Variants in ACO1 observed in about 807,000 individuals in gnomAD.
The protein encoded by ACO1 is aconitase 1.
A neutral mutation model predicts 105.1 loss-of-function variants in ACO1; 78 were observed. The ratio of observed to expected loss-of-function variants is 0.74; its 90% CI spans 0.62 to 0.90. ACO1 has a LOEUF of 0.90. Among genes scored for constraint, ACO1 ranks in the 40% least tolerant of loss-of-function variants. The pLI, the probability that ACO1 is intolerant of heterozygous loss-of-function variation, is 0.00. For missense variants in ACO1, 965 were observed against 1,111.1 expected (o/e 0.87, Z 1.87); for synonymous variants, 364 against 397.4 (o/e 0.92, Z 1.00).
At chr9:32,388,048 G>A (rs1045659171) in intron 1 of ACO1, among the ~76,000 whole-genome samples, 5 of 152,232 alleles carry the variant, frequency 3.3e-5, no homozygotes, top group African/African-American at 1.2e-4. Flanking sequence ...GGCCAAGTGT[G>A]TTGAAGTTTT....
chr9:32,394,415 C>G (rs1042192260), intron 1 of ACO1, among the ~76,000 whole-genome samples: 25 of 152,228 alleles, frequency 1.6e-4, no homozygotes, highest in African/African-American at 6.0e-4. Flanking sequence ...GGGACTTTAT[C>G]CCTTCATCCC....
chr9:32,417,529 T>C (rs557231854), intron 4 of ACO1, among the ~76,000 whole-genome samples: 1 of 152,362 alleles, frequency 6.6e-6, no homozygotes, highest in East Asian at 1.9e-4. Context: ...GTGCCCTGTG[T>C]TGTCCTGATG....
intron 1 of ACO1, among the ~76,000 whole-genome samples, chr9:32,389,408 A>G (rs1469641019): frequency 6.6e-6 from 1 of 152,214 alleles, no homozygotes; most frequent in Non-Finnish European, 1.5e-5. Flanking sequence ...TACACCTGGT[A>G]TGTTGAGGAC....
chr9:32,388,104 A>G (rs1346718868), intron 1 of ACO1, among the ~76,000 whole-genome samples: 1 of 152,188 alleles, frequency 6.6e-6, no homozygotes, highest in East Asian at 1.9e-4. Context: ...CCCTCCCTGG[A>G]GCCATCTCAG....
At chr9:32,448,839 C>T in intron 19 of ACO1, 57 bp from the exon 20 acceptor site, 1 of 1,594,404 alleles carries the variant, frequency 6.3e-7, no homozygotes, top group Non-Finnish European at 8.6e-7. Flanking sequence ...TTTTGTAAAC[C>T]TGTGTATCCA....
chr9:32,390,855 A>G (rs922582468), intron 1 of ACO1, among the ~76,000 whole-genome samples: 4 of 152,182 alleles, frequency 2.6e-5, no homozygotes, highest in Non-Finnish European at 4.4e-5. Context: ...TTTTTCACAA[A>G]TATATCTGGA....
chr9:32,425,761 G>T, intron 10 of ACO1, 77 bp from the exon 11 acceptor site: 1 of 1,042,790 alleles, frequency 9.6e-7, no homozygotes, highest in Non-Finnish European at 1.4e-6. Flanking sequence ...CTATATGTAT[G>T]TATTTTCCTC....
intron 11 of ACO1, 98 bp from the exon 12 acceptor site, chr9:32,427,203 G>C: frequency 6.8e-7 from 1 of 1,468,002 alleles, no homozygotes; most frequent in Non-Finnish European, 9.2e-7. Context: ...GTGGTGGCAG[G>C]AAATGCAGAC....
At chr9:32,443,160 A>T (rs1336980935) in intron 19 of ACO1, among the ~76,000 whole-genome samples, 1 of 152,176 alleles carries the variant, frequency 6.6e-6, no homozygotes. Context: ...ATAACAGAAG[A>T]AAGCACGGTG....
chr9:32,402,312 T>A (rs1821514744), intron 1 of ACO1, among the ~76,000 whole-genome samples: 1 of 152,080 alleles, frequency 6.6e-6, no homozygotes, highest in South Asian at 2.1e-4. Context: ...CTTCCCTCTT[T>A]CAAAAAAGAA....
intron 4 of ACO1, among the ~76,000 whole-genome samples, chr9:32,409,544 G>T (rs796419513): frequency 1.3e-5 from 2 of 152,130 alleles, no homozygotes; most frequent in Admixed American, 1.3e-4. Flanking sequence ...GCATCCAAAG[G>T]TGTGCATATT....
intron 19 of ACO1, among the ~76,000 whole-genome samples, chr9:32,447,284 A>G (rs1340600201): frequency 6.6e-6 from 1 of 151,742 alleles, no homozygotes; most frequent in Non-Finnish European, 1.5e-5. Flanking sequence ...TTTTTTCTCT[A>G]ATCTTTTCTT....
Position 32,405,526 on chromosome 9 carries a change from A to G in ACO1, c.20A>G (p.His7Arg), listed in dbSNP as rs1827090958. The G allele has an allele frequency of 1.9e-6, 3 of 1,613,862 alleles. No homozygotes were observed. The highest frequency in any genetic ancestry group is 1.3e-5 in the African/African-American group (1 of 75,052). The change falls in exon 2 of 21, where the codon CAC (histidine) becomes CGC (arginine). Residue 7 changes from histidine to arginine, a missense_variant. Coordinates refer to ENST00000309951, the MANE Select transcript of ACO1 (RefSeq NM_002197.3). MSNPFA[H>R]LAEPLDPVQP... Reference sequence around the variant, plus strand: ...GTAATCATGAGCAACCCATTCGCACACCTTGCTGAGCCATTGGATCCTGTA... The same window carrying G: ...GTAATCATGAGCAACCCATTCGCACGCCTTGCTGAGCCATTGGATCCTGTA...
Position 32,449,080 on chromosome 9 carries a change from A to G in ACO1, c.2555A>G (p.Lys852Arg). Residue 852 changes from lysine (K) to arginine (R), a missense_variant and splice_region_variant, in exon 20 of 21, where the codon AAG becomes AGG. By Grantham distance (26) the Lys-to-Arg change is conservative. Coordinates refer to ENST00000309951, the MANE Select transcript of ACO1 (RefSeq NM_002197.3). ...AAACCACAAATGAAAGTCCAGGTCAAGGTAAGCTGGAGCCTCTCTATGCCA... is the reference window on the plus strand; with the variant it reads ...AAACCACAAATGAAAGTCCAGGTCAGGGTAAGCTGGAGCCTCTCTATGCCA... ...NLKPQMKVQV[K>R]LDTGKTFQAV... is the part of the protein sequence containing the mutation. 1 of 1,601,316 alleles carries G rather than the reference A, an allele frequency of 6.2e-7. No homozygotes were observed. The highest frequency in any genetic ancestry group is 1.1e-5 in the South Asian group (1 of 89,586).
intron 1 of ACO1, among the ~76,000 whole-genome samples, chr9:32,396,421 T>C (rs988348989): frequency 2.0e-5 from 3 of 152,148 alleles, no homozygotes; most frequent in African/African-American, 7.2e-5. Flanking sequence ...CAAAATTGGC[T>C]AAAGAGCCTC....
chr9:32,428,159 C>T (rs1452956330), intron 12 of ACO1, among the ~76,000 whole-genome samples: 1 of 151,446 alleles, frequency 6.6e-6, no homozygotes, highest in Non-Finnish European at 1.5e-5. Flanking sequence ...TGGTGCATGC[C>T]TGTAGTCCCA....
intron 10 of ACO1, among the ~76,000 whole-genome samples, chr9:32,425,147 A>G (rs1246357903): frequency 2.0e-5 from 3 of 152,090 alleles, no homozygotes; most frequent in Admixed American, 2.0e-4. Context: ...ATATTCTTTA[A>G]CTTACATTGT....
In ACO1 at chr9:32,439,680, A is replaced by C. The variant is rs1482323623; in HGVS notation, c.2248-785A>C. Among the ~76,000 whole-genome samples, 2 of 152,084 alleles carry C rather than the reference A, an allele frequency of 1.3e-5. No homozygotes were observed. The highest frequency in any genetic ancestry group is 2.9e-5 in the Non-Finnish European group (2 of 68,028). Reference sequence around the variant, plus strand: ...TGCATTTCTAGCATCTCTTCCCTTGACCTCCATGAAGAAAGGGGACTGATA... The same window carrying C: ...TGCATTTCTAGCATCTCTTCCCTTGCCCTCCATGAAGAAAGGGGACTGATA... On this transcript the variant is annotated intron_variant, in intron 18 of 20. Coordinates refer to ENST00000309951, the MANE Select transcript of ACO1 (RefSeq NM_002197.3). The surrounding 1 kb of genome is among the most constrained non-coding windows in gnomAD (Gnocchi z 4.0).
chr9:32,411,109 A>G (rs184315144), intron 4 of ACO1, among the ~76,000 whole-genome samples: 5 of 152,276 alleles, frequency 3.3e-5, no homozygotes, highest in East Asian at 1.9e-4. Context: ...CCATTGATCA[A>G]AGCAAATCAC....
Sources: allele counts gnomAD v4.1 joint callset (sites outside exome capture counted in the v4.1 genomes callset), GRCh38; gene constraint gnomAD v4.1.1; non-coding constraint Gnocchi (gnomAD v3.1); transcripts MANE v1.5; gene names NCBI Gene and HGNC (gene_info 2026-07-23, HGNC 2026-07-21).